The following TIAM2 variants were observed in gnomAD, a reference collection of about 807,000 sequenced individuals.
TIAM2 encodes the protein rho guanine nucleotide exchange factor TIAM2.
TIAM2 carries 80 observed loss-of-function variants against 152.9 expected under a neutral mutation model. The observed-to-expected ratio is 0.52, with a 90% CI of 0.44 to 0.63. The LOEUF (loss-of-function observed/expected upper bound fraction) is 0.63, where lower values mean the gene tolerates loss of function less well. Among genes scored for constraint, TIAM2 ranks in the 30% least tolerant of loss-of-function variants. The pLI is 0.00. For synonymous variants in TIAM2, 804 were observed against 838.0 expected, an observed-to-expected ratio of 0.96 and a Z score of 0.70; for missense variants, 1,965 against 2,120.1, an observed-to-expected ratio of 0.93 and a Z score of 1.44.
chr6:155,182,044 G>A (rs1049873282), intron 12 of TIAM2, among the ~76,000 whole-genome samples, 182 bp from the exon 13 acceptor site: 4 of 152,224 alleles, frequency 2.6e-5, no homozygotes, highest in East Asian at 1.9e-4. Context: ...TAAGCCTCTC[G>A]TTTGACATTT....
At position 155,136,699 on chromosome 6, in the gene TIAM2, A is replaced by G. The variant is rs1014873664; in HGVS notation, c.1195-478A>G. Among the ~76,000 whole-genome samples, 13 of 152,348 alleles carry G rather than the reference A, an allele frequency of 8.5e-5. 1 individual carries two copies. The highest frequency in any genetic ancestry group is 3.9e-4 in the East Asian group (2 of 5,190). On this transcript the variant is annotated intron_variant, in intron 4 of 26. Coordinates refer to ENST00000682666, the MANE Select transcript of TIAM2 (RefSeq NM_012454.4). Reference sequence around the variant, plus strand: ...AGGAAGAGAAGTTTTTGGGTTTTGCATAACAATACTGAGTCCCTGTCTTCC... The same window carrying G: ...AGGAAGAGAAGTTTTTGGGTTTTGCGTAACAATACTGAGTCCCTGTCTTCC...
rs1427707679 is a variant in TIAM2 at position 155,066,362 on chromosome 6, C to T, written c.-208-23927C>T. On this transcript the variant is annotated intron_variant, in intron 1 of 26. Transcript: ENST00000682666. Reference sequence around the variant, plus strand: ...ATTTTGTTTCCTTGTTCATTGTTTACATCACATTACATGTGAGTCTGTGAA... The same window carrying T: ...ATTTTGTTTCCTTGTTCATTGTTTATATCACATTACATGTGAGTCTGTGAA... Among the ~76,000 whole-genome samples the T allele has an allele frequency of 3.3e-5, 5 of 152,226 alleles. No homozygotes were observed. The East Asian group carries it at 9.6e-4, about 29-fold the overall frequency.
At position 155,164,570 on chromosome 6, in the gene TIAM2, C is replaced by T. The variant is rs759607320; in HGVS notation, c.2184C>T (p.Gly728=). 13 of 1,613,644 alleles carry T rather than the reference C, an allele frequency of 8.1e-6. No individual in the cohort carries two copies. The highest frequency in any genetic ancestry group is 9.3e-6 in the Non-Finnish European group (11 of 1,179,778). The change falls in exon 8 of 27, where the codon GGC becomes GGT. Residue 728 remains glycine (G), a synonymous_variant. Transcript: ENST00000682666. ...CCAAGCTGGCCCTCGGCAGGCTGGG[C>T]ATCTTGTCTGTTTCCTCTTTCCATG... The part of the protein sequence containing the change: ...RPSKLALGRL[G]ILSVSSFHAL...
chr6:155,015,221 T>C (rs557312773), intron 1 of TIAM2, among the ~76,000 whole-genome samples: 13 of 152,168 alleles, frequency 8.5e-5, no homozygotes, highest in Non-Finnish European at 1.8e-4. Flanking sequence ...CACTGGGCAT[T>C]CAAGCCTGTG....
intron 1 of TIAM2, among the ~76,000 whole-genome samples, chr6:155,084,133 T>G (rs1778129141): frequency 6.6e-6 from 1 of 152,156 alleles, no homozygotes; most frequent in African/African-American, 2.4e-5. Context: ...GCACTGCATG[T>G]AGGTAATTTC....
chr6:155,086,483 G>A (rs1221888924), intron 1 of TIAM2, among the ~76,000 whole-genome samples: 1 of 152,082 alleles, frequency 6.6e-6, no homozygotes, highest in East Asian at 1.9e-4. Flanking sequence ...GAGGCGGGTG[G>A]ATCACCTGAG....
chr6:155,183,729 C>T (rs1780967644), intron 14 of TIAM2, among the ~76,000 whole-genome samples: 1 of 151,962 alleles, frequency 6.6e-6, no homozygotes, highest in Non-Finnish European at 1.5e-5. Flanking sequence ...CACAAAATAA[C>T]ATTTAAAAAA....
chr6:155,235,857 G>T (rs567475903), intron 15 of TIAM2, among the ~76,000 whole-genome samples: 1 of 152,280 alleles, frequency 6.6e-6, no homozygotes, highest in Admixed American at 6.5e-5. Flanking sequence ...TTATTTGTAA[G>T]ATCTCGTTAC....
At chr6:155,194,407 C>T (rs1380767336) in intron 14 of TIAM2, among the ~76,000 whole-genome samples, 4 of 152,162 alleles carry the variant, frequency 2.6e-5, no homozygotes, top group Non-Finnish European at 4.4e-5. Context: ...GAAAGACAGG[C>T]AGCCCCGGTG....
chr6:155,170,683 C>T (rs560872691), intron 9 of TIAM2, among the ~76,000 whole-genome samples: 2 of 152,308 alleles, frequency 1.3e-5, no homozygotes, highest in African/African-American at 4.8e-5. Flanking sequence ...ATAAATTTTG[C>T]TGATGTAGCC....
rs751308298 is a variant in TIAM2, at chr6:155,257,000, A to C, written c.4985A>C (p.Gln1662Pro). ...ATCCGTCACCAGTCCCTTGACAGTC[A>C]GTCTGAAAATGCCACCATCGACCTA... ...AQIRHQSLDS[Q>P]SENATIDLNS... Residue 1662 changes from glutamine to proline, a missense_variant, in exon 27 of 27, where the codon CAG becomes CCG. Transcript: ENST00000682666. The C allele has an allele frequency of 6.2e-7, 1 of 1,614,222 alleles. No individual in the cohort carries two copies. The highest frequency in any genetic ancestry group is 8.5e-7 in the Non-Finnish European group (1 of 1,180,044).
At chr6:155,158,810 GTTTATC>G (rs949340695) in intron 7 of TIAM2, among the ~76,000 whole-genome samples, 7 of 149,730 alleles carry the variant, frequency 4.7e-5, no homozygotes, top group African/African-American at 1.7e-4. Context: ...ATATCTTGAT[GTTTATC>G]TTTAAATAAT....
In TIAM2 at chr6:155,047,667, G is replaced by GGAGA. The variant is rs143874214; in HGVS notation, c.-208-42604_-208-42601dup. Among the ~76,000 whole-genome samples, 159 of 73,376 alleles carry GGAGA rather than the reference G, an allele frequency of 2.2e-3. 3 individuals are homozygous for GGAGA. Among genetic ancestry groups the GGAGA allele is most frequent in the African/African-American group, 7.6e-3 (143 of 18,900 alleles). The allele number at this position is 73,376 out of a possible 152,430, so 48.1% of individuals were successfully genotyped here. ...GGGTGGGGGGAGAGAGAGAGAGAGA[G>GGAGA]GAGAGAGAGAGAGAGAGAGAGGAGA... On this transcript the variant is annotated intron_variant, in intron 1 of 26. Coordinates refer to ENST00000682666, the MANE Select transcript of TIAM2 (RefSeq NM_012454.4).
chr6:155,251,089 G>A (rs903490800), intron 22 of TIAM2, 68 bp downstream of exon 22: 16 of 1,370,456 alleles, frequency 1.2e-5, no homozygotes, highest in South Asian at 5.8e-5. Context: ...TTCACTAGCC[G>A]CACCAGTCCA....
At chr6:155,081,795 ATC>A (rs1778067802) in intron 1 of TIAM2, among the ~76,000 whole-genome samples, 1 of 152,056 alleles carries the variant, frequency 6.6e-6, no homozygotes, top group Non-Finnish European at 1.5e-5. Context: ...AGGTCAGTAA[ATC>A]TCTCGTTTTT....
chr6:155,029,750 A>AGAGATATATAAC (rs1562295508), intron 1 of TIAM2, among the ~76,000 whole-genome samples: 4 of 143,868 alleles, frequency 2.8e-5, no homozygotes, highest in Admixed American at 7.4e-5. Context: ...AACTATATAT[A>AGAGATATATAAC]TATATATGTA....
At chr6:155,238,365 G>A (rs1244677755) in intron 15 of TIAM2, among the ~76,000 whole-genome samples, 1 of 152,194 alleles carries the variant, frequency 6.6e-6, no homozygotes, top group Non-Finnish European at 1.5e-5. Flanking sequence ...ACACTTTCCT[G>A]TCTTCTTCTG....
chr6:155,255,527 A>G (rs1783944433), intron 26 of TIAM2: 1 of 152,210 alleles, frequency 6.6e-6, no homozygotes, highest in Non-Finnish European at 1.5e-5. Context: ...GTCAAAATAA[A>G]CTGGCCATCA....
rs144018279 is a variant in TIAM2 at position 155,072,828 on chromosome 6, G to C, written c.-208-17461G>C. Among the ~76,000 whole-genome samples the C allele has an allele frequency of 6.2e-4, 94 of 152,262 alleles. 1 individual carries two copies. The East Asian group carries it at 0.017, about 28-fold the overall frequency. The stretch of plus-strand genomic sequence containing the variant: ...GGGAGGAGTTCAGGAAGGAGGCTGG[G>C]TCAGTTGTGGGGCAGGGAATCACCT... On this transcript the variant is annotated intron_variant, in intron 1 of 26. Transcript: ENST00000682666.
Sources: gnomAD v4.1 joint callset for allele counts (sites outside exome capture counted in the v4.1 genomes callset) on GRCh38, gnomAD v4.1.1 for gene constraint, MANE v1.5 for transcripts, NCBI Gene and HGNC (gene_info 2026-07-23, HGNC 2026-07-21) for gene names.